Variants in SPON1 observed in about 807,000 individuals in gnomAD.
The protein encoded by SPON1 is spondin 1, also known as spondin-1.
A neutral mutation model predicts 111.7 loss-of-function variants in SPON1; 52 were observed. That is an observed-to-expected ratio of 0.47 (90% confidence interval 0.37 to 0.59). The LOEUF is 0.59. SPON1 is among the 20% of genes least tolerant of loss of function. SPON1 has a pLI of 0.00. For synonymous variants in SPON1, 410 were observed against 395.8 expected (o/e 1.04, Z -0.43); for missense variants, 957 against 1,068.5 (o/e 0.90, Z 1.46).
intron 2 of SPON1, among the ~76,000 whole-genome samples, chr11:13,990,782 C>T (rs1237826247): frequency 6.6e-6 from 1 of 152,118 alleles, no homozygotes; most frequent in African/African-American, 2.4e-5. Context: ...GACAAAATCT[C>T]TCAGCATTTG....
chr11:13,964,736 C>G, intron 1 of SPON1, among the ~76,000 whole-genome samples: 1 of 152,296 alleles, frequency 6.6e-6, no homozygotes, highest in African/African-American at 2.4e-5. Flanking sequence ...GCCGCGCCGA[C>G]GGGCGGCGAC....
chr11:14,174,287 G>C (rs1321177706), intron 6 of SPON1, among the ~76,000 whole-genome samples: 1 of 152,206 alleles, frequency 6.6e-6, no homozygotes, highest in Non-Finnish European at 1.5e-5. Context: ...ATTTGGGGAT[G>C]AGGATGTTTC....
chr11:14,079,780 C>A (rs944303671), intron 4 of SPON1, 119 bp from the exon 5 acceptor site: 18 of 1,059,256 alleles, frequency 1.7e-5, no homozygotes, highest in Non-Finnish European at 2.5e-5. Context: ...GTCTTATTAA[C>A]TAATGAAAGC....
intron 5 of SPON1, among the ~76,000 whole-genome samples, chr11:14,128,732 T>C (rs1554927250): frequency 1.3e-5 from 2 of 152,220 alleles, no homozygotes; most frequent in African/African-American, 4.8e-5. Flanking sequence ...AGGTTCTCCA[T>C]GAGGGCTCTG....
chr11:14,245,254 C>G (rs1011663612), intron 7 of SPON1, among the ~76,000 whole-genome samples: 1 of 152,232 alleles, frequency 6.6e-6, no homozygotes, highest in African/African-American at 2.4e-5. Context: ...GAAGCTACGG[C>G]GAGGCACCTG....
intron 1 of SPON1, among the ~76,000 whole-genome samples, chr11:13,969,364 G>A (rs1394411142): frequency 2.0e-5 from 3 of 152,124 alleles, no homozygotes; most frequent in Admixed American, 6.5e-5. Flanking sequence ...CAGCCTGGGC[G>A]ACAAAGTGAG....
intron 1 of SPON1, among the ~76,000 whole-genome samples, chr11:13,970,798 T>C (rs554610504): frequency 1.5e-3 from 225 of 152,334 alleles, no homozygotes; most frequent in African/African-American, 5.1e-3. Context: ...TACCAATTTA[T>C]GTTTCCCGTC....
chr11:14,165,319 G>T (rs1848015905), intron 6 of SPON1, among the ~76,000 whole-genome samples: 1 of 152,076 alleles, frequency 6.6e-6, no homozygotes, highest in Non-Finnish European at 1.5e-5. Flanking sequence ...TGATCTTAAG[G>T]TGTAGGCTAT....
At chr11:13,966,161 T>C (rs1216288544) in intron 1 of SPON1, among the ~76,000 whole-genome samples, 1 of 152,228 alleles carries the variant, frequency 6.6e-6, no homozygotes, top group Non-Finnish European at 1.5e-5. Flanking sequence ...TTTCCTTTTC[T>C]TTCCCACCAC....
intron 6 of SPON1, among the ~76,000 whole-genome samples, chr11:14,141,515 G>C (rs1277374196): frequency 1.3e-5 from 2 of 152,174 alleles, no homozygotes; most frequent in African/African-American, 4.8e-5. Context: ...GTCAGATAAT[G>C]GTGGACCCTA....
At chr11:14,251,232 G>T (rs1436376577) in intron 7 of SPON1, among the ~76,000 whole-genome samples, 3 of 152,268 alleles carry the variant, frequency 2.0e-5, no homozygotes, top group East Asian at 1.9e-4. Context: ...CTATCAAATT[G>T]TTCTCAGGCC....
intron 6 of SPON1, among the ~76,000 whole-genome samples, chr11:14,233,535 G>T (rs1388657089): frequency 6.6e-6 from 1 of 152,182 alleles, no homozygotes; most frequent in African/African-American, 2.4e-5. Context: ...CAAGGCCAGA[G>T]ACTTCCTCTA....
At chr11:14,068,155 G>A (rs992200927) in intron 3 of SPON1, among the ~76,000 whole-genome samples, 1 of 152,114 alleles carries the variant, frequency 6.6e-6, no homozygotes, top group Non-Finnish European at 1.5e-5. Context: ...TTGGGCAGAC[G>A]GGTAAGTTGT....
chr11:14,090,824 G>GCCACC lies in SPON1; in HGVS notation c.676+10805_676+10806insACCCC, dbSNP rs1849046497. ...CAGCCTGCTTTTATTCTCTTATCTGGCCCCCCCCCCCCCCCCCCCCGCCCA... is the reference window on the plus strand; with the variant it reads ...CAGCCTGCTTTTATTCTCTTATCTGGCCACCCCCCCCCCCCCCCCCCCCCCGCCCA... On this transcript the variant is annotated intron_variant, in intron 5 of 15. Coordinates refer to ENST00000576479, the MANE Select transcript of SPON1 (RefSeq NM_006108.4). Among the ~76,000 whole-genome samples, 317 of 45,560 alleles carry GCCACC rather than the reference G, an allele frequency of 7.0e-3. 8 individuals are homozygous for GCCACC. Among genetic ancestry groups the GCCACC allele is most frequent in the East Asian group, 0.012 (5 of 406 alleles). The allele number at this position is 45,560 out of a possible 152,430, so 29.9% of individuals were successfully genotyped here. A position where few individuals can be genotyped will look rare whatever the true frequency, so the allele number is the denominator to read the frequency against.
chr11:14,064,567 C>T (rs1352523141), intron 3 of SPON1, among the ~76,000 whole-genome samples: 2 of 152,168 alleles, frequency 1.3e-5, no homozygotes, highest in East Asian at 3.9e-4. Context: ...GGATGTTTAG[C>T]CAAGACTTCG....
intron 6 of SPON1, among the ~76,000 whole-genome samples, chr11:14,173,070 T>A (rs1427274070): frequency 1.3e-5 from 2 of 151,950 alleles, no homozygotes; most frequent in Non-Finnish European, 2.9e-5. Flanking sequence ...TTCTCCTGGA[T>A]AATATCCTGC....
At chr11:14,015,325 G>A (rs1554914191) in intron 2 of SPON1, among the ~76,000 whole-genome samples, 1 of 152,194 alleles carries the variant, frequency 6.6e-6, no homozygotes, top group Non-Finnish European at 1.5e-5. Context: ...CTTGTTGCAT[G>A]CTCTGGAGGG....
rs116154128 is a variant in SPON1, at chr11:14,128,983, C to A, written c.677-6437C>A. ...GGACAGAAGGCACCATGTCCCAAGG[C>A]TGCACAGACCAGCAGGGCCTTGGGC... is the stretch of plus-strand genomic sequence containing the variant. On this transcript the variant is annotated intron_variant, in intron 5 of 15. Coordinates refer to ENST00000576479, the MANE Select transcript of SPON1 (RefSeq NM_006108.4). Among the ~76,000 whole-genome samples, 855 of 152,364 alleles carry A rather than the reference C, an allele frequency of 5.6e-3. 10 individuals are homozygous for A. The highest frequency in any genetic ancestry group is 0.02 in the African/African-American group (814 of 41,600).
In SPON1 at chr11:13,976,051, C is replaced by T. The variant is rs187598321; in HGVS notation, c.239-6796C>T. On this transcript the variant is annotated intron_variant, in intron 1 of 15. Transcript: ENST00000576479. ...TGGGATAAATATTTATTTAACTCTA[C>T]GTTCCTATAAGAAAGGCGATATCAT... Among the ~76,000 whole-genome samples the T allele has an allele frequency of 7.2e-5, 11 of 152,170 alleles. No homozygotes were observed. In the East Asian group the frequency reaches 1.7e-3, roughly 24 times the overall value.
Sources: gnomAD v4.1 joint callset for allele counts (sites outside exome capture counted in the v4.1 genomes callset) on GRCh38, gnomAD v4.1.1 for gene constraint, MANE v1.5 for transcripts, NCBI Gene and HGNC (gene_info 2026-07-23, HGNC 2026-07-21) for gene names.